Variants in RBFOX1 observed in about 807,000 individuals in gnomAD.
RBFOX1 encodes the protein RNA binding protein fox-1 homolog 1.
In RBFOX1, 8 loss-of-function variants were observed where a neutral mutation model predicts 57.7. The ratio of observed to expected loss-of-function variants is 0.14; its 90% confidence interval spans 0.08 to 0.25. RBFOX1 has a LOEUF of 0.25. Among genes scored for constraint, RBFOX1 ranks in the 10% least tolerant of loss-of-function variants. The pLI is 1.00. For missense variants in RBFOX1, 611 were observed against 548.5 expected (o/e 1.11, Z -1.14); for synonymous variants, 326 against 222.4 (o/e 1.47, Z -4.15).
At chr16:6,948,371 CTTTCTTTTTTTT>C (rs1214900409) in intron 3 of RBFOX1, among the ~76,000 whole-genome samples, 1 of 109,658 alleles carries the variant, frequency 9.1e-6, no homozygotes, top group Non-Finnish European at 1.9e-5. Context: ...TTCTTTCTCC[CTTTCTTTTTTTT>C]TTTTTTTTTT....
At chr16:5,817,024 C>G (rs1324795833) in intron 3 of RBFOX1, among the ~76,000 whole-genome samples, 3 of 152,162 alleles carry the variant, frequency 2.0e-5, no homozygotes, top group Non-Finnish European at 2.9e-5. Context: ...AACATCCTGA[C>G]TAGGAGATCC....
At chr16:5,991,143 G>A (rs1017349555) in intron 4 of RBFOX1, among the ~76,000 whole-genome samples, 1 of 152,112 alleles carries the variant, frequency 6.6e-6, no homozygotes, top group Non-Finnish European at 1.5e-5. Context: ...GACCATTTGG[G>A]GGGTGACTGT....
chr16:6,196,835 T>C (rs2152821487), intron 1 of RBFOX1, among the ~76,000 whole-genome samples: 1 of 152,164 alleles, frequency 6.6e-6, no homozygotes, highest in East Asian at 1.9e-4. Context: ...ATGGAGACAT[T>C]GATTTCCTAC....
intron 10 of RBFOX1, among the ~76,000 whole-genome samples, chr16:7,615,619 C>T (rs2058311652): frequency 6.6e-6 from 1 of 152,082 alleles, no homozygotes; most frequent in South Asian, 2.1e-4. Flanking sequence ...CTTTAGTTAA[C>T]CCAAGTCCTA....
At chr16:5,751,509 C>T in intron 3 of RBFOX1, among the ~76,000 whole-genome samples, 1 of 152,066 alleles carries the variant, frequency 6.6e-6, no homozygotes, top group Non-Finnish European at 1.5e-5. Context: ...TTTTTGGTCT[C>T]AAATAGTTAG....
At chr16:7,405,363 G>C (rs545512362) in intron 4 of RBFOX1, among the ~76,000 whole-genome samples, 1 of 152,220 alleles carries the variant, frequency 6.6e-6, no homozygotes, top group Non-Finnish European at 1.5e-5. Context: ...AGATGCAGCA[G>C]TTCACTCCAA....
chr16:6,859,068 T>C (rs1386160469), intron 3 of RBFOX1, among the ~76,000 whole-genome samples: 2 of 141,840 alleles, frequency 1.4e-5, no homozygotes, highest in Admixed American at 7.5e-5. Context: ...AATTAAGTTA[T>C]GCTCCCTTAA....
At chr16:5,673,754 A>C (rs989135861) in intron 3 of RBFOX1, among the ~76,000 whole-genome samples, 7 of 152,198 alleles carry the variant, frequency 4.6e-5, no homozygotes, top group Non-Finnish European at 7.3e-5. Flanking sequence ...CTACCTTACA[A>C]ATACGTATAC....
At chr16:6,869,589 TAGAGAAAG>T (rs1214474455) in intron 3 of RBFOX1, among the ~76,000 whole-genome samples, 4 of 151,972 alleles carry the variant, frequency 2.6e-5, no homozygotes, top group African/African-American at 9.7e-5. Context: ...TAGGATGAAA[TAGAGAAAG>T]AAAGAACAGG....
At position 7,520,180 on chromosome 16, in the gene RBFOX1, C is replaced by T. The variant is rs544052998; in HGVS notation, c.270+1791C>T. Among the ~76,000 whole-genome samples the T allele has an allele frequency of 2.7e-4, 41 of 152,234 alleles. No individual in the cohort carries two copies. In the East Asian group the frequency reaches 3.3e-3, roughly 12 times the overall value. Reference sequence around the variant, plus strand: ...GATTACAGGCGTGAGCCACCGCGCCCGGCCTAGTTTTGAAGATTTTTTAAA... The same window carrying T: ...GATTACAGGCGTGAGCCACCGCGCCTGGCCTAGTTTTGAAGATTTTTTAAA... On this transcript the variant is annotated intron_variant, in intron 5 of 15. Transcript: ENST00000550418.
intron 4 of RBFOX1, among the ~76,000 whole-genome samples, chr16:7,346,521 C>T (rs897299435): frequency 4.6e-5 from 7 of 151,966 alleles, no homozygotes; most frequent in Non-Finnish European, 8.8e-5. Flanking sequence ...CTCCCAAGCA[C>T]AGATGTTACC....
At chr16:6,529,079 C>T (rs1311612324) in intron 2 of RBFOX1, among the ~76,000 whole-genome samples, 5 of 152,148 alleles carry the variant, frequency 3.3e-5, no homozygotes, top group South Asian at 2.1e-4. Flanking sequence ...TCTTGTAAAC[C>T]GCCCCCAAAT....
At chr16:6,018,822 G>A (rs574696285), upstream of RBFOX1, among the ~76,000 whole-genome samples, 1 of 152,194 alleles carries the variant, frequency 6.6e-6, no homozygotes, top group South Asian at 2.1e-4. Flanking sequence ...GGACTACCAG[G>A]ACGAGGACGG....
intron 11 of RBFOX1, among the ~76,000 whole-genome samples, chr16:7,635,750 A>G (rs907641306): frequency 6.6e-6 from 1 of 152,282 alleles, no homozygotes; most frequent in East Asian, 1.9e-4. Context: ...TTGACAGTCA[A>G]TTCAACCATT....
At chr16:7,706,357 GCTGCTGTATTTTCCTT>G in intron 14 of RBFOX1, among the ~76,000 whole-genome samples, 1 of 152,296 alleles carries the variant, frequency 6.6e-6, no homozygotes, top group African/African-American at 2.4e-5. Context: ...GTAGTTCAAT[GCTGCTGTATTTTCCTT>G]CTGCCTTGGA....
chr16:7,247,888 G>C (rs1159420215), intron 4 of RBFOX1, among the ~76,000 whole-genome samples: 1 of 152,132 alleles, frequency 6.6e-6, no homozygotes, highest in African/African-American at 2.4e-5. Context: ...GGGCCTATCA[G>C]AGGGTGGAGG....
intron 3 of RBFOX1, among the ~76,000 whole-genome samples, chr16:6,987,477 AC>A (rs2090549983): frequency 8.7e-6 from 1 of 114,960 alleles, no homozygotes; most frequent in Non-Finnish European, 1.6e-5. Context: ...ACACACACAC[AC>A]ACACACACAC....
chr16:7,247,249 C>T (rs900823888), intron 4 of RBFOX1, among the ~76,000 whole-genome samples: 2 of 152,112 alleles, frequency 1.3e-5, no homozygotes, highest in East Asian at 1.9e-4. Context: ...ATTGTGCAAA[C>T]GCCTTCAAGC....
In RBFOX1 at chr16:6,355,577, T is replaced by C. The variant is rs1266011267; in HGVS notation, c.-64+38520T>C. Among the ~76,000 whole-genome samples the C allele has an allele frequency of 2.0e-5, 3 of 152,224 alleles. No individual in the cohort carries two copies. The South Asian group carries it at 6.2e-4, about 32-fold the overall frequency. On this transcript the variant is annotated intron_variant, in intron 2 of 15. Coordinates refer to ENST00000550418, the MANE Select transcript of RBFOX1 (RefSeq NM_018723.4). ...GGTTCCAAGTCTTTGCTATTGTGAA[T>C]AGTGACACAATAAACATACATGTGC...
Sources: gnomAD v4.1 joint callset for allele counts (sites outside exome capture counted in the v4.1 genomes callset) on GRCh38, gnomAD v4.1.1 for gene constraint, MANE v1.5 for transcripts, NCBI Gene and HGNC (gene_info 2026-07-23, HGNC 2026-07-21) for gene names.